Variants in NFATC1 observed in about 807,000 individuals in gnomAD.
NFATC1 encodes nuclear factor of activated T cells 1, also known as nuclear factor of activated T-cells, cytoplasmic 1.
NFATC1 carries 22 observed loss-of-function variants against 76.0 expected under a neutral mutation model. That is an observed-to-expected ratio of 0.29 (90% CI 0.21 to 0.41). NFATC1 has a LOEUF of 0.41. Ranked by LOEUF, NFATC1 falls within the 10% of genes least tolerant of loss-of-function variation. The pLI, the probability that NFATC1 is intolerant of heterozygous loss-of-function variation, is 1.00. For missense variants in NFATC1, 1,357 were observed against 1,337.7 expected (o/e 1.01, Z -0.23); for synonymous variants, 704 against 613.1 (o/e 1.15, Z -2.19).
chr18:79,485,825 G>A (rs931495655), intron 8 of NFATC1, among the ~76,000 whole-genome samples: 8 of 152,236 alleles, frequency 5.3e-5, no homozygotes, highest in Admixed American at 5.2e-4. Flanking sequence ...GATTTTTACT[G>A]ACTCCTGAAA....
intron 2 of NFATC1, among the ~76,000 whole-genome samples, chr18:79,425,631 G>A (rs1469909147): frequency 6.6e-6 from 1 of 152,226 alleles, no homozygotes; most frequent in African/African-American, 2.4e-5. Context: ...CTGCTGCCGA[G>A]GGCGCGATTC....
At chr18:79,429,090 G>A (rs2086494437) in intron 2 of NFATC1, among the ~76,000 whole-genome samples, 1 of 151,932 alleles carries the variant, frequency 6.6e-6, no homozygotes, top group Non-Finnish European at 1.5e-5. Flanking sequence ...GTGTGGTGGT[G>A]GGCACCTGTA....
At chr18:79,449,014 CA>C in intron 4 of NFATC1, 30 bp downstream of exon 4, 3 of 1,606,542 alleles carry the variant, frequency 1.9e-6, no homozygotes, top group Middle Eastern at 1.8e-4. Flanking sequence ...CGGCCTCTGG[CA>C]GGGGGCGGTA....
chr18:79,416,185 C>T (rs140478892), intron 2 of NFATC1, among the ~76,000 whole-genome samples: 1 of 152,340 alleles, frequency 6.6e-6, no homozygotes, highest in African/African-American at 2.4e-5. Flanking sequence ...TCTGAGAAAA[C>T]GTTCACTCTC....
At chr18:79,414,703 ACCCCC>A (rs2085817878) in intron 2 of NFATC1, among the ~76,000 whole-genome samples, 1 of 152,080 alleles carries the variant, frequency 6.6e-6, no homozygotes, top group African/African-American at 2.4e-5. Context: ...CACCTGCTAT[ACCCCC>A]TAAAAATTAG....
Position 79,527,664 on chromosome 18 carries a change from G to T in NFATC1, c.*87G>T. 1 of 1,213,490 alleles carries T rather than the reference G, an allele frequency of 8.2e-7. No individual in the cohort carries two copies. The allele number at this position is 1,213,490 out of a possible 1,614,324, so 75.2% of individuals were successfully genotyped here. ...GAATAAATAAACTGAACTCACACCT[G>T]GTACCACTCAGAACCTCCAACTGAC... On this transcript the variant is annotated 3_prime_UTR_variant, in exon 10 of 10. Coordinates refer to ENST00000427363, the MANE Select transcript of NFATC1 (RefSeq NM_001278669.2).
At chr18:79,401,583 G>A (rs908675539) in intron 1 of NFATC1, among the ~76,000 whole-genome samples, 15 of 152,220 alleles carry the variant, frequency 9.9e-5, no homozygotes, top group Non-Finnish European at 1.8e-4. Flanking sequence ...TTCCAGAGCT[G>A]GTTCCAGTCC....
At position 79,396,016 on chromosome 18, in the gene NFATC1, G is replaced by C. The variant is rs1213460625; in HGVS notation, c.-209G>C. 1 of 374,642 alleles carries C rather than the reference G, an allele frequency of 2.7e-6. No homozygotes were observed. The allele number at this position is 374,642 out of a possible 1,614,324, so 23.2% of individuals were successfully genotyped here. On this transcript the variant is annotated 5_prime_UTR_variant, in exon 1 of 10. Coordinates refer to ENST00000427363, the MANE Select transcript of NFATC1 (RefSeq NM_001278669.2). ...CAGCAGGGCGCGGGCACCGGGGCGC[G>C]GGCAGGGCTCGGAGCCACCGCGCAG...
chr18:79,442,024 G>A (rs754613863), intron 3 of NFATC1, among the ~76,000 whole-genome samples: 8 of 152,148 alleles, frequency 5.3e-5, no homozygotes, highest in African/African-American at 1.4e-4. Context: ...TGGCCCTGTC[G>A]GTGCTCTGGT....
chr18:79,431,379 C>T (rs2086581922), intron 2 of NFATC1, among the ~76,000 whole-genome samples: 1 of 152,250 alleles, frequency 6.6e-6, no homozygotes, highest in South Asian at 2.1e-4. Context: ...TGTTTTGAGA[C>T]AGAGTCTTGC....
chr18:79,442,064 C>A (rs992475557), intron 3 of NFATC1, among the ~76,000 whole-genome samples: 1 of 152,156 alleles, frequency 6.6e-6, no homozygotes, highest in Non-Finnish European at 1.5e-5. Context: ...AGCGCCATTG[C>A]CTCCAGGTCG....
At chr18:79,457,721 C>A (rs1175531431) in intron 6 of NFATC1, among the ~76,000 whole-genome samples, 1 of 152,196 alleles carries the variant, frequency 6.6e-6, no homozygotes, top group Non-Finnish European at 1.5e-5. Context: ...CTCTCCCTTC[C>A]CCCACCCCGG....
chr18:79,488,138 G>A (rs2089567900), intron 9 of NFATC1, among the ~76,000 whole-genome samples: 1 of 152,204 alleles, frequency 6.6e-6, no homozygotes, highest in African/African-American at 2.4e-5. Flanking sequence ...GGAAGGGAGT[G>A]AGGCCAAACG....
chr18:79,457,426 C>T (rs916191925), intron 6 of NFATC1, among the ~76,000 whole-genome samples: 1 of 152,154 alleles, frequency 6.6e-6, no homozygotes, highest in Non-Finnish European at 1.5e-5. Flanking sequence ...CCACGCGTCA[C>T]GTCAGTCCCC....
chr18:79,483,594 C>T (rs838057), intron 8 of NFATC1, among the ~76,000 whole-genome samples: 62,720 of 93,932 alleles, frequency 0.67, 20,792 homozygotes, highest in Middle Eastern at 0.75. Context: ...GTTCCTGGGG[C>T]GTCACTCCGG....
chr18:79,475,139 A>C lies in NFATC1; in HGVS notation c.2092+7557A>C, dbSNP rs542576716. 3.7e-4 allele frequency among the ~76,000 whole-genome samples: 54 copies of C among 144,166 alleles called. 1 individual carries two copies. The highest frequency in any genetic ancestry group is 1.4e-3 in the African/African-American group (52 of 37,386). The allele number at this position is 144,166 out of a possible 152,430, so 94.6% of individuals were successfully genotyped here. On this transcript the variant is annotated intron_variant, in intron 8 of 9. Transcript: ENST00000427363. ...GCTCACTGTCGACATTGTAAACCTG[A>C]GGGAAGCATGTTCTCACACTCACTG...
chr18:79,513,910 T>C (rs1051854716), intron 9 of NFATC1, among the ~76,000 whole-genome samples: 1 of 152,148 alleles, frequency 6.6e-6, no homozygotes, highest in African/African-American at 2.4e-5. Flanking sequence ...TTTGTCTCCC[T>C]GTGTGCTAGC....
rs1308458299 is a variant in NFATC1 at position 79,410,456 on chromosome 18, G to T, written c.181G>T (p.Ala61Ser). 2 of 1,612,050 alleles carry T rather than the reference G, an allele frequency of 1.2e-6. No individual in the cohort carries two copies. Among genetic ancestry groups the T allele is most frequent in the Admixed American group, 1.7e-5 (1 of 59,978 alleles). The change falls in exon 2 of 10, where the codon GCG becomes TCG. Residue 61 changes from alanine to serine, a missense_variant. By Grantham distance (99) the Ala-to-Ser change is moderately conservative (BLOSUM62 1). Around this residue, in one of 3 missense-constraint regions of NFATC1, gnomAD observed 691 missense variants for 613.1 expected, o/e 1.13. Coordinates refer to ENST00000427363, the MANE Select transcript of NFATC1 (RefSeq NM_001278669.2). This position sits in a 1 kb window ranked among gnomAD's most constrained non-coding sequence, Gnocchi z 6.7. ...NVSPALPLPTAHSTLPAPCHN... is the reference protein window; with the variant it reads ...NVSPALPLPTSHSTLPAPCHN... ...CAGCCCCGCCCTGCCGCTCCCCACGGCGCACTCCACCCTGCCGGCCCCGTG... is the reference window on the plus strand; with the variant it reads ...CAGCCCCGCCCTGCCGCTCCCCACGTCGCACTCCACCCTGCCGGCCCCGTG...
At chr18:79,442,722 G>A (rs938006724) in intron 3 of NFATC1, among the ~76,000 whole-genome samples, 22 of 152,288 alleles carry the variant, frequency 1.4e-4, no homozygotes, top group Non-Finnish European at 2.6e-4. Flanking sequence ...CTTCTGCTCC[G>A]GCGGGCCACG....
Sources: gnomAD v4.1 joint callset for allele counts (sites outside exome capture counted in the v4.1 genomes callset) on GRCh38, gnomAD v4.1.1 for gene constraint, gnomAD v4.1.1 regional missense constraint, Gnocchi (gnomAD v3.1) non-coding constraint, MANE v1.5 for transcripts, NCBI Gene and HGNC (gene_info 2026-07-23, HGNC 2026-07-21) for gene names.